The following CAMTA1 variants were observed in gnomAD, a reference collection of about 807,000 sequenced individuals.
CAMTA1 encodes the protein calmodulin binding transcription activator 1.
In CAMTA1, 27 loss-of-function variants were observed where a neutral mutation model predicts 170.9. The observed-to-expected ratio is 0.16, with a 90% CI of 0.12 to 0.22. CAMTA1 has a LOEUF of 0.22. Ranked by LOEUF, CAMTA1 falls within the 10% of genes least tolerant of loss-of-function variation. The probability of loss-of-function intolerance (pLI) is 1.00; values close to 1 mark genes in which losing one functional copy is unlikely to be tolerated. For missense variants in CAMTA1, 1,619 were observed against 2,217.2 expected (o/e 0.73, Z 5.42); for synonymous variants, 833 against 891.5 (o/e 0.93, Z 1.17).
At chr1:7,318,567 G>A (rs933484441) in intron 5 of CAMTA1, among the ~76,000 whole-genome samples, 2 of 152,166 alleles carry the variant, frequency 1.3e-5, no homozygotes, top group East Asian at 1.9e-4. Context: ...GCTAATATGA[G>A]CTCTGACTGT....
intron 6 of CAMTA1, among the ~76,000 whole-genome samples, chr1:7,519,054 C>T (rs2094326030): frequency 6.6e-6 from 1 of 151,996 alleles, no homozygotes; most frequent in Admixed American, 6.5e-5. Context: ...ACCAGACAGC[C>T]CACTCCAGAT....
chr1:7,617,883 A>T (rs1336742661), intron 6 of CAMTA1, among the ~76,000 whole-genome samples: 1 of 152,172 alleles, frequency 6.6e-6, no homozygotes, highest in Non-Finnish European at 1.5e-5. Context: ...GGCTGATCAC[A>T]ATAAGGTTCT....
intron 11 of CAMTA1, among the ~76,000 whole-genome samples, chr1:7,725,542 A>T (rs943738122): frequency 2.0e-5 from 3 of 152,208 alleles, no homozygotes; most frequent in Admixed American, 6.5e-5. Context: ...TCACATACCC[A>T]TGCTGGGTAG....
intron 3 of CAMTA1, among the ~76,000 whole-genome samples, chr1:6,838,019 C>T (rs1338381184): frequency 2.6e-5 from 4 of 152,088 alleles, no homozygotes; most frequent in African/African-American, 9.7e-5. Flanking sequence ...GATCTTATGC[C>T]AGGTGGACAT....
In CAMTA1 at chr1:7,521,436, C is replaced by T. The variant is rs142780031; in HGVS notation, c.510+53535C>T. Among the ~76,000 whole-genome samples, 380 of 152,104 alleles carry T rather than the reference C, an allele frequency of 2.5e-3. 3 individuals carry two copies. Among genetic ancestry groups the T allele is most frequent in the African/African-American group, 8.3e-3 (343 of 41,492 alleles). On this transcript the variant is annotated intron_variant, in intron 6 of 22. Transcript: ENST00000303635. ...TTGATACAAGCCACCAGTCTCATTCCGTTTTCCCCATTTTTACTTGCATTT... is the reference window on the plus strand; with the variant it reads ...TTGATACAAGCCACCAGTCTCATTCTGTTTTCCCCATTTTTACTTGCATTT...
chr1:7,669,279 C>G (rs2096032938), intron 9 of CAMTA1, among the ~76,000 whole-genome samples: 2 of 152,254 alleles, frequency 1.3e-5, no homozygotes, highest in African/African-American at 4.8e-5. Flanking sequence ...GGGAGAGCCC[C>G]TTCCGTGGAA....
chr1:6,794,332 G>A (rs180936127), intron 1 of CAMTA1, among the ~76,000 whole-genome samples: 19 of 152,224 alleles, frequency 1.2e-4, no homozygotes, highest in African/African-American at 4.1e-4. Flanking sequence ...TTTTTATTGC[G>A]AATCCACAAG....
rs1228440676 is a variant in CAMTA1, at chr1:7,113,043, C to T, written c.302+21672C>T. Among the ~76,000 whole-genome samples, 2 of 152,226 alleles carry T rather than the reference C, an allele frequency of 1.3e-5. No homozygotes were observed. Among genetic ancestry groups the T allele is most frequent in the Admixed American group, 6.5e-5 (1 of 15,288 alleles). ...TCAGGTACTCTGGTTCCATCTCTTCCGGCCTTTGCATGTGGGGCTCTCAGT... is the reference window on the plus strand; with the variant it reads ...TCAGGTACTCTGGTTCCATCTCTTCTGGCCTTTGCATGTGGGGCTCTCAGT... On this transcript the variant is annotated intron_variant, in intron 4 of 22. Coordinates refer to ENST00000303635, the MANE Select transcript of CAMTA1 (RefSeq NM_015215.4). This position sits in a 1 kb window ranked among gnomAD's most constrained non-coding sequence, Gnocchi z 4.5.
intron 11 of CAMTA1, among the ~76,000 whole-genome samples, chr1:7,715,658 C>T (rs1013007390): frequency 3.9e-5 from 6 of 152,218 alleles, no homozygotes; most frequent in Non-Finnish European, 8.8e-5. Flanking sequence ...CCAAGGGATG[C>T]TTTAATGCTG....
At chr1:7,608,809 G>A (rs1321130644) in intron 6 of CAMTA1, among the ~76,000 whole-genome samples, 3 of 152,102 alleles carry the variant, frequency 2.0e-5, no homozygotes, top group East Asian at 1.9e-4. Flanking sequence ...AGCCAGAAGC[G>A]TGGGAGGGCC....
In CAMTA1 at chr1:7,563,276, C is replaced by T. The variant is rs182686926; in HGVS notation, c.511-77124C>T. 3.1e-3 allele frequency among the ~76,000 whole-genome samples: 473 copies of T among 152,296 alleles called. 13 individuals are homozygous for T. The highest frequency in any genetic ancestry group is 0.03 in the Admixed American group (456 of 15,298). On this transcript the variant is annotated intron_variant, in intron 6 of 22. Transcript: ENST00000303635. ...GAGTCTTCCGCGCAGCTGCTAGAAG[C>T]GAACCTGCTTTTGGACTGGCCCAAC...
chr1:7,462,729 C>T (rs1172757529), intron 5 of CAMTA1, among the ~76,000 whole-genome samples: 1 of 152,198 alleles, frequency 6.6e-6, no homozygotes, highest in African/African-American at 2.4e-5. Flanking sequence ...TCCTGCCGCT[C>T]CTCCCCTGCC....
chr1:7,731,166 CA>C lies in CAMTA1; in HGVS notation c.2915-1281del, dbSNP rs1200955708. ...TAATCTTAGTAAAGTGGTACAGAAT[CA>C]CAACGTGTTTTCTCTTTGAGTTTCA... On this transcript the variant is annotated intron_variant, in intron 11 of 22. Coordinates refer to ENST00000303635, the MANE Select transcript of CAMTA1 (RefSeq NM_015215.4). Among the ~76,000 whole-genome samples, 4 of 152,056 alleles carry C rather than the reference CA, an allele frequency of 2.6e-5. No homozygotes were observed. In the East Asian group the frequency reaches 7.7e-4, roughly 29 times the overall value.
chr1:7,393,178 C>G (rs757944633), intron 5 of CAMTA1, among the ~76,000 whole-genome samples: 9 of 152,082 alleles, frequency 5.9e-5, no homozygotes, highest in Non-Finnish European at 1.0e-4. Context: ...TCCCTAATGA[C>G]TGATGTTTTT....
chr1:6,841,708 C>T (rs1655788580), intron 3 of CAMTA1, among the ~76,000 whole-genome samples: 1 of 151,932 alleles, frequency 6.6e-6, no homozygotes, highest in Admixed American at 6.6e-5. Flanking sequence ...AAGGAAGGGG[C>T]ATTAGTGTAG....
chr1:7,644,889 G>A (rs559626386), intron 7 of CAMTA1, among the ~76,000 whole-genome samples: 1 of 152,338 alleles, frequency 6.6e-6, no homozygotes, highest in African/African-American at 2.4e-5. Flanking sequence ...TGCCCCTGTG[G>A]GCTTCAGCTT....
At chr1:6,872,273 C>T (rs1668625049) in intron 3 of CAMTA1, among the ~76,000 whole-genome samples, 1 of 152,058 alleles carries the variant, frequency 6.6e-6, no homozygotes, top group South Asian at 2.1e-4. Flanking sequence ...CATACCCTTT[C>T]CTCTGCAGAG....
At chr1:7,367,055 A>G (rs1450939930) in intron 5 of CAMTA1, among the ~76,000 whole-genome samples, 1 of 152,138 alleles carries the variant, frequency 6.6e-6, no homozygotes, top group Admixed American at 6.5e-5. Context: ...TGCTGACAGG[A>G]GCTTTCTAAC....
intron 5 of CAMTA1, among the ~76,000 whole-genome samples, chr1:7,427,083 A>G (rs1475328854): frequency 6.6e-6 from 1 of 152,180 alleles, no homozygotes; most frequent in East Asian, 1.9e-4. Flanking sequence ...TCCATCCTCA[A>G]GGACAAGCGA....
Sources: allele counts gnomAD v4.1 joint callset (sites outside exome capture counted in the v4.1 genomes callset), GRCh38; gene constraint gnomAD v4.1.1; non-coding constraint Gnocchi (gnomAD v3.1); transcripts MANE v1.5; gene names NCBI Gene and HGNC (gene_info 2026-07-23, HGNC 2026-07-21).